RPS6KC1: variants seen among roughly 807,000 people sequenced by gnomAD.
RPS6KC1 encodes inactive ribosomal protein S6 kinase delta-1.
RPS6KC1 carries 54 observed loss-of-function variants against 103.8 expected under a neutral mutation model. The observed-to-expected ratio is 0.52, with a 90% CI of 0.42 to 0.65. RPS6KC1 has a LOEUF of 0.65. Among genes scored for constraint, RPS6KC1 ranks in the 30% least tolerant of loss-of-function variants. RPS6KC1 has a pLI of 0.00. For missense variants in RPS6KC1, 1,151 were observed against 1,253.8 expected (o/e 0.92, Z 1.24); for synonymous variants, 439 against 438.7 (o/e 1.00, Z -0.01).
chr1:213,063,617 T>G (rs897165802), intron 1 of RPS6KC1, among the ~76,000 whole-genome samples: 1 of 152,160 alleles, frequency 6.6e-6, no homozygotes, highest in African/African-American at 2.4e-5. Flanking sequence ...TTAGTAGGTG[T>G]TGTACTAAAT....
At chr1:213,172,370 GA>G (rs1188239977) in intron 7 of RPS6KC1, among the ~76,000 whole-genome samples, 3 of 152,178 alleles carry the variant, frequency 2.0e-5, no homozygotes, top group African/African-American at 7.2e-5. Context: ...GAGGCAGGTG[GA>G]TCACTTGAGG....
At chr1:213,363,687 T>TTTCC in the RPS6KC1 span, among the ~76,000 whole-genome samples, 34 of 86,596 alleles carry the variant, frequency 3.9e-4, no homozygotes, top group East Asian at 4.0e-3. Flanking sequence ...TCTTTCTTTC[T>TTTCC]TTCTTTCTTT....
chr1:213,602,150 CTTTCTT>C, the RPS6KC1 span, among the ~76,000 whole-genome samples: 19 of 79,646 alleles, frequency 2.4e-4, no homozygotes, highest in Non-Finnish European at 2.2e-4. Context: ...TTCTTTCTTT[CTTTCTT>C]TCTTTCTTTC....
At chr1:213,294,576 G>T in the RPS6KC1 span, among the ~76,000 whole-genome samples, 1 of 152,060 alleles carries the variant, frequency 6.6e-6, no homozygotes, top group Admixed American at 6.5e-5. Context: ...GTGACTGTGG[G>T]ACAACACCTA....
the RPS6KC1 span, among the ~76,000 whole-genome samples, chr1:213,486,454 G>A: frequency 6.6e-6 from 1 of 152,022 alleles, no homozygotes; most frequent in African/African-American, 2.4e-5. Context: ...AGGCTTTAAA[G>A]TACACACATA....
chr1:213,466,923 C>A, the RPS6KC1 span, among the ~76,000 whole-genome samples: 3,092 of 152,150 alleles, frequency 0.02, 109 homozygotes, highest in African/African-American at 0.071. Context: ...AAGCAGTTAT[C>A]CAATTTAATA....
intron 6 of RPS6KC1, among the ~76,000 whole-genome samples, chr1:213,139,433 T>A (rs1338452553): frequency 1.3e-5 from 2 of 152,098 alleles, no homozygotes; most frequent in African/African-American, 2.4e-5. Flanking sequence ...ATGTGTGGAA[T>A]GGTATTTCCT....
At chr1:213,118,078 A>G (rs1304544787) in intron 5 of RPS6KC1, among the ~76,000 whole-genome samples, 2 of 149,184 alleles carry the variant, frequency 1.3e-5, no homozygotes, top group Non-Finnish European at 3.0e-5. Flanking sequence ...CTTTTAGAGA[A>G]CTAATTTCAA....
chr1:213,363,625 GCTTTCTTTCTTT>G, the RPS6KC1 span, among the ~76,000 whole-genome samples: 5,242 of 72,618 alleles, frequency 0.072, 353 homozygotes, highest in Non-Finnish European at 0.093. Flanking sequence ...TTGCTTGCTT[GCTTTCTTTCTTT>G]CTTTCTTTCT....
At chr1:213,746,248 A>G in the RPS6KC1 span, among the ~76,000 whole-genome samples, 8 of 152,256 alleles carry the variant, frequency 5.3e-5, no homozygotes, top group South Asian at 2.1e-4. Flanking sequence ...GGAATGCTCT[A>G]CAACTTGTCA....
chr1:213,535,764 G>A, the RPS6KC1 span, among the ~76,000 whole-genome samples: 1 of 152,132 alleles, frequency 6.6e-6, no homozygotes, highest in Non-Finnish European at 1.5e-5. Flanking sequence ...ACATGCCCAA[G>A]GAAGCCAGAG....
At chr1:213,648,470 C>T in the RPS6KC1 span, among the ~76,000 whole-genome samples, 1 of 152,162 alleles carries the variant, frequency 6.6e-6, no homozygotes, top group Non-Finnish European at 1.5e-5. Context: ...ACCTGTGCCC[C>T]AGTGTCAAGT....
the RPS6KC1 span, among the ~76,000 whole-genome samples, chr1:213,694,099 T>C: frequency 1.3e-5 from 2 of 152,214 alleles, no homozygotes; most frequent in East Asian, 1.9e-4. Context: ...CTGAGAATGC[T>C]TAACAGGAGG....
the RPS6KC1 span, among the ~76,000 whole-genome samples, chr1:213,618,620 G>A: frequency 6.6e-6 from 1 of 152,128 alleles, no homozygotes; most frequent in African/African-American, 2.4e-5. Context: ...TGAGTCATGT[G>A]GCCTTTCCGC....
At chr1:213,787,835 C>A in the RPS6KC1 span, among the ~76,000 whole-genome samples, 2 of 152,130 alleles carry the variant, frequency 1.3e-5, no homozygotes, top group South Asian at 4.1e-4. Flanking sequence ...ATACACTGTA[C>A]TTCTATGGAA....
At position 213,192,681 on chromosome 1, in the gene RPS6KC1, A is replaced by G. The variant is rs563239690; in HGVS notation, c.1044+16189A>G. ...ACTTTTTGGTTTGTTGATCTCTTGT[A>G]TTGTTTTTCTCATTTCAAGTTTATT... On this transcript the variant is annotated intron_variant, in intron 8 of 14. Transcript: ENST00000366960. Among the ~76,000 whole-genome samples the G allele has an allele frequency of 3.7e-4, 56 of 151,726 alleles. 1 individual carries two copies. The South Asian group carries it at 0.011, about 29-fold the overall frequency.
At chr1:213,744,187 C>T in the RPS6KC1 span, among the ~76,000 whole-genome samples, 4 of 151,962 alleles carry the variant, frequency 2.6e-5, no homozygotes, top group African/African-American at 4.8e-5. Flanking sequence ...GTACACTGCT[C>T]GGGTGATGGG....
At chr1:213,165,714 C>T (rs2090905012) in intron 6 of RPS6KC1, among the ~76,000 whole-genome samples, 3 of 152,130 alleles carry the variant, frequency 2.0e-5, no homozygotes, top group South Asian at 4.1e-4. Flanking sequence ...TGAGCCACCG[C>T]GCCCGGCCAG....
the RPS6KC1 span, among the ~76,000 whole-genome samples, chr1:213,615,476 G>A: frequency 6.6e-6 from 1 of 152,280 alleles, no homozygotes; most frequent in Non-Finnish European, 1.5e-5. Flanking sequence ...TGAGAAAGAA[G>A]AGTGCCACCT....
Sources: allele counts gnomAD v4.1 joint callset (sites outside exome capture counted in the v4.1 genomes callset), GRCh38; gene constraint gnomAD v4.1.1; transcripts MANE v1.5; gene names NCBI Gene and HGNC (gene_info 2026-07-23, HGNC 2026-07-21).